The following ZDHHC17 variants were observed in gnomAD, a reference collection of about 807,000 sequenced individuals.
ZDHHC17 encodes the protein zDHHC palmitoyltransferase 17.
A neutral mutation model predicts 90.3 loss-of-function variants in ZDHHC17; 40 were observed. The ratio of observed to expected loss-of-function variants is 0.44; its 90% CI spans 0.34 to 0.58. ZDHHC17 has a LOEUF of 0.58. Ranked by LOEUF, ZDHHC17 falls within the 20% of genes least tolerant of loss-of-function variation. ZDHHC17 has a pLI of 0.01. For missense variants in ZDHHC17, 614 were observed against 780.8 expected, an observed-to-expected ratio of 0.79 and a Z score of 2.55; for synonymous variants, 235 against 252.4, an observed-to-expected ratio of 0.93 and a Z score of 0.65.
intron 1 of ZDHHC17, among the ~76,000 whole-genome samples, chr12:76,765,136 C>A (rs560065831): frequency 7.9e-5 from 12 of 152,172 alleles, no homozygotes; most frequent in Admixed American, 1.3e-4. Flanking sequence ...TTTTAGTGAT[C>A]CACAGTGATG....
At chr12:76,788,914 C>T (rs1234192399) in intron 1 of ZDHHC17, among the ~76,000 whole-genome samples, 4 of 151,858 alleles carry the variant, frequency 2.6e-5, no homozygotes, top group African/African-American at 9.7e-5. Flanking sequence ...TCAGGCTGGT[C>T]TCAAGCTCCC....
At chr12:76,764,982 T>C (rs1952415509) in intron 1 of ZDHHC17, among the ~76,000 whole-genome samples, 1 of 152,154 alleles carries the variant, frequency 6.6e-6, no homozygotes, top group Admixed American at 6.5e-5. Flanking sequence ...GTGCAACACG[T>C]TTCCCATCAC....
chr12:76,797,228 A>C (rs935844320), intron 1 of ZDHHC17, among the ~76,000 whole-genome samples: 5 of 152,214 alleles, frequency 3.3e-5, no homozygotes, highest in African/African-American at 7.2e-5. Flanking sequence ...GCGTCACTGC[A>C]CTCCAGCCTG....
At chr12:76,796,661 G>A (rs895853229) in intron 1 of ZDHHC17, among the ~76,000 whole-genome samples, 1 of 152,162 alleles carries the variant, frequency 6.6e-6, no homozygotes, top group Non-Finnish European at 1.5e-5. Flanking sequence ...TAGGAAAGGT[G>A]ATATCTGAGA....
rs1953081721 is a variant in ZDHHC17 at position 76,815,879 on chromosome 12, T to C, written c.631T>C (p.Leu211=). 6.4e-7 allele frequency: 1 copy of C among 1,552,688 alleles called. No homozygotes were observed. The change falls in exon 7 of 17, where the codon TTA becomes CTA. Residue 211 remains leucine (L), a synonymous_variant. Coordinates refer to ENST00000426126, the MANE Select transcript of ZDHHC17 (RefSeq NM_015336.4). ...CAGTGTGGATCCAACTAGATTGCTT[T>C]TAACATTCAATGTTTCAGTTAACCT... ...THSVDPTRLL[L]TFNVSVNLGD... is the part of the protein sequence containing the mutation.
At chr12:76,829,778 C>T (rs2137788496) in intron 10 of ZDHHC17, among the ~76,000 whole-genome samples, 1 of 152,148 alleles carries the variant, frequency 6.6e-6, no homozygotes. Flanking sequence ...GCATGTAATG[C>T]TGTATTTTCA....
At chr12:76,838,338 T>C (rs962473980) in intron 10 of ZDHHC17, among the ~76,000 whole-genome samples, 3 of 152,234 alleles carry the variant, frequency 2.0e-5, no homozygotes, top group Non-Finnish European at 4.4e-5. Flanking sequence ...ATAGTTGTTA[T>C]GCCATTTCTT....
At chr12:76,810,491 C>T (rs1261888249) in intron 5 of ZDHHC17, among the ~76,000 whole-genome samples, 2 of 152,122 alleles carry the variant, frequency 1.3e-5, no homozygotes, top group Non-Finnish European at 2.9e-5. Context: ...GATCTCATCA[C>T]AAGAATAACT....
chr12:76,786,539 A>T (rs11115377), intron 1 of ZDHHC17, among the ~76,000 whole-genome samples: 1,682 of 152,256 alleles, frequency 0.011, 11 homozygotes, highest in Non-Finnish European at 0.017. Context: ...TACAGGCATG[A>T]GTCACTGTGC....
intron 2 of ZDHHC17, among the ~76,000 whole-genome samples, chr12:76,802,893 T>G (rs1320026717): frequency 1.3e-5 from 2 of 152,260 alleles, no homozygotes; most frequent in African/African-American, 4.8e-5. Flanking sequence ...GAAATCATGC[T>G]TCAAGTATGA....
At chr12:76,830,794 G>T (rs563695303) in intron 10 of ZDHHC17, among the ~76,000 whole-genome samples, 331 of 152,278 alleles carry the variant, frequency 2.2e-3, no homozygotes, top group African/African-American at 7.1e-3. Flanking sequence ...TGTGTAAGTG[G>T]CAAGAAGCAG....
At chr12:76,795,367 G>A (rs892112309) in intron 1 of ZDHHC17, among the ~76,000 whole-genome samples, 9 of 152,114 alleles carry the variant, frequency 5.9e-5, no homozygotes, top group African/African-American at 2.2e-4. Flanking sequence ...CCTATCCTGG[G>A]TGGGGTCCAA....
intron 15 of ZDHHC17, among the ~76,000 whole-genome samples, chr12:76,848,779 T>A (rs772089150): frequency 2.0e-5 from 3 of 152,194 alleles, no homozygotes; most frequent in Non-Finnish European, 4.4e-5. Flanking sequence ...GGAGGTTGTC[T>A]GTGCAGGAAT....
At chr12:76,768,786 A>T (rs942591894) in intron 1 of ZDHHC17, among the ~76,000 whole-genome samples, 2 of 152,208 alleles carry the variant, frequency 1.3e-5, no homozygotes, top group Non-Finnish European at 2.9e-5. Flanking sequence ...ACAGTATCAC[A>T]GGGGCTATTT....
chr12:76,782,880 G>C (rs1477994944), intron 1 of ZDHHC17, among the ~76,000 whole-genome samples: 2 of 152,056 alleles, frequency 1.3e-5, no homozygotes, highest in Non-Finnish European at 2.9e-5. Context: ...AAATTACCAA[G>C]AGAAGACATC....
chr12:76,824,906 A>T (rs1237624482), intron 8 of ZDHHC17, among the ~76,000 whole-genome samples: 1 of 152,048 alleles, frequency 6.6e-6, no homozygotes. Context: ...TTAGATTTTT[A>T]CTTAGAATAT....
intron 5 of ZDHHC17, among the ~76,000 whole-genome samples, chr12:76,811,921 G>A (rs10746264): frequency 0.96 from 145,873 of 152,192 alleles, 69,969 homozygotes; most frequent in East Asian, 1. Flanking sequence ...AATATAGTTC[G>A]TTGTACACAC....
intron 1 of ZDHHC17, among the ~76,000 whole-genome samples, chr12:76,791,478 T>A (rs1393002878): frequency 1.3e-5 from 2 of 152,196 alleles, no homozygotes; most frequent in Admixed American, 1.3e-4. Flanking sequence ...AGGAGCTTTA[T>A]ACGTATGCTT....
Position 76,809,793 on chromosome 12 carries a change from GTATTCA to G in ZDHHC17, c.481_486del (p.Ile161_His162del). On this transcript the variant is annotated inframe_deletion, in exon 5 of 17. Transcript: ENST00000426126. The stretch of plus-strand genomic sequence containing the variant: ...TTAATTGATGGAGAAGGATGTAGCT[GTATTCA>G]TCTGGCTGCTCAGTTCGGACATACC... 6.2e-7 allele frequency: 1 copy of G among 1,609,306 alleles called. No individual in the cohort carries two copies. Among genetic ancestry groups the G allele is most frequent in the Non-Finnish European group, 8.5e-7 (1 of 1,177,846 alleles).
Sources: allele counts gnomAD v4.1 joint callset (sites outside exome capture counted in the v4.1 genomes callset), GRCh38; gene constraint gnomAD v4.1.1; transcripts MANE v1.5; gene names NCBI Gene and HGNC (gene_info 2026-07-23, HGNC 2026-07-21).